Variants in ADARB2 observed in about 807,000 individuals in gnomAD.
ADARB2 encodes adenosine deaminase RNA specific B2 (inactive), also known as inactive double-stranded RNA-specific editase B2.
ADARB2 carries 25 observed loss-of-function variants against 62.2 expected under a neutral mutation model. That is an observed-to-expected ratio of 0.40 (90% CI 0.29 to 0.56). The LOEUF is 0.56. Among genes scored for constraint, ADARB2 ranks in the 20% least tolerant of loss-of-function variants. The probability of loss-of-function intolerance (pLI) is 0.43; values close to 1 mark genes in which losing one functional copy is unlikely to be tolerated. For synonymous variants in ADARB2, 572 were observed against 500.8 expected (o/e 1.14, Z -1.90); for missense variants, 1,071 against 1,077.4 (o/e 0.99, Z 0.08).
At position 1,355,019 on chromosome 10, in the gene ADARB2, CCT is replaced by C. The variant is rs557585091; in HGVS notation, c.1077+8007_1077+8008del. On this transcript the variant is annotated intron_variant, in intron 3 of 9. Coordinates refer to ENST00000381312, the MANE Select transcript of ADARB2 (RefSeq NM_018702.4). ...CCCGATCCTCTCCAGCTTGCACCTC[CCT>C]GAGGGCTCCCACGAGGCTCCCATGT... 2.1e-4 allele frequency among the ~76,000 whole-genome samples: 32 copies of C among 152,316 alleles called. No individual in the cohort carries two copies. In the South Asian group the frequency reaches 4.8e-3, roughly 23 times the overall value.
rs1209287873 is a variant in ADARB2, at chr10:1,178,515, A to G, written c.*4678T>C. The G allele has an allele frequency of 3.9e-5, 6 of 152,178 alleles. No homozygotes were observed. Among genetic ancestry groups the G allele is most frequent in the African/African-American group, 1.4e-4 (6 of 41,406 alleles). 9.4% of individuals were successfully genotyped at this position (152,178 alleles called of 1,614,324 possible). A position where few individuals can be genotyped will look rare whatever the true frequency, so the allele number is the denominator to read the frequency against. On this transcript the variant is annotated 3_prime_UTR_variant, in exon 10 of 10. Coordinates refer to ENST00000381312, the MANE Select transcript of ADARB2 (RefSeq NM_018702.4). ...CACCAGCAGCCCAGTGTTTCCAGAA[A>G]CAGCCCTGCTCCTGCAGTGGCGAGG...
intron 1 of ADARB2, among the ~76,000 whole-genome samples, chr10:1,573,807 G>A (rs11250635): frequency 0.3 from 45,049 of 151,996 alleles, 6,860 homozygotes; most frequent in South Asian, 0.34. Flanking sequence ...CAAGCTCAAC[G>A]GGGTCTTGTG....
chr10:1,363,962 C>G, intron 2 of ADARB2, 45 bp from the exon 3 acceptor site: 2 of 1,417,572 alleles, frequency 1.4e-6, no homozygotes, highest in Non-Finnish European at 1.8e-6. Flanking sequence ...CGGGCGCCGG[C>G]AGGTCGATGG....
intron 1 of ADARB2, among the ~76,000 whole-genome samples, chr10:1,717,436 G>A (rs1018355874): frequency 1.3e-5 from 2 of 151,836 alleles, no homozygotes; most frequent in African/African-American, 2.4e-5. Context: ...GACCCTGCGC[G>A]AGAAGGGACT....
intron 1 of ADARB2, among the ~76,000 whole-genome samples, chr10:1,607,658 C>T (rs190283367): frequency 8.9e-4 from 136 of 152,260 alleles, no homozygotes; most frequent in African/African-American, 3.1e-3. Flanking sequence ...GATGCTGACA[C>T]GATGGGAACC....
chr10:1,420,735 C>A (rs1474458727), intron 1 of ADARB2, among the ~76,000 whole-genome samples: 1 of 152,098 alleles, frequency 6.6e-6, no homozygotes, highest in Non-Finnish European at 1.5e-5. Flanking sequence ...GCTCTGCACC[C>A]AGGGCACAGA....
At chr10:1,386,518 A>G (rs1236367443) in intron 1 of ADARB2, among the ~76,000 whole-genome samples, 1 of 152,012 alleles carries the variant, frequency 6.6e-6, no homozygotes, top group Non-Finnish European at 1.5e-5. Context: ...TGGAATGGCT[A>G]TGTTAACAAT....
chr10:1,360,114 G>A (rs1225810822), intron 3 of ADARB2, among the ~76,000 whole-genome samples: 4 of 152,240 alleles, frequency 2.6e-5, no homozygotes, highest in African/African-American at 7.2e-5. Flanking sequence ...AGCCAGCCCT[G>A]CGTGGGGTGA....
intron 6 of ADARB2, among the ~76,000 whole-genome samples, chr10:1,221,561 TC>T (rs71495931): frequency 6.6e-6 from 1 of 150,432 alleles, no homozygotes; most frequent in Admixed American, 6.6e-5. Flanking sequence ...ATGCTATCCC[TC>T]CCCCCTCACC....
chr10:1,630,246 T>A (rs575132585), intron 1 of ADARB2, among the ~76,000 whole-genome samples: 1 of 152,304 alleles, frequency 6.6e-6, no homozygotes, highest in Admixed American at 6.5e-5. Flanking sequence ...GACTAGAGCT[T>A]GGCCCTCCCG....
At chr10:1,633,895 C>T (rs138881480) in intron 1 of ADARB2, among the ~76,000 whole-genome samples, 7 of 152,256 alleles carry the variant, frequency 4.6e-5, no homozygotes, top group African/African-American at 7.2e-5. Flanking sequence ...GTGTCCTGTG[C>T]CAGCACCATG....
intron 1 of ADARB2, among the ~76,000 whole-genome samples, chr10:1,567,199 C>A (rs1001119427): frequency 2.6e-5 from 4 of 152,102 alleles, no homozygotes; most frequent in African/African-American, 9.7e-5. Context: ...GAGAAGCAGA[C>A]CTGCTCACAC....
chr10:1,704,982 A>G lies in ADARB2; in HGVS notation c.100+32069T>C, dbSNP rs1448214791. The stretch of plus-strand genomic sequence containing the variant: ...GCAATAACCCCATGAGCACAGACCC[A>G]CAGGCAAAGCCCTGGGAGAAGTCCT... On this transcript the variant is annotated intron_variant, in intron 1 of 9. Coordinates refer to ENST00000381312, the MANE Select transcript of ADARB2 (RefSeq NM_018702.4). This position sits in a 1 kb window ranked among gnomAD's most constrained non-coding sequence, Gnocchi z 5.6. Among the ~76,000 whole-genome samples, 1 of 152,248 alleles carries G rather than the reference A, an allele frequency of 6.6e-6. No homozygotes were observed. Among genetic ancestry groups the G allele is most frequent in the African/African-American group, 2.4e-5 (1 of 41,470 alleles).
In ADARB2 at chr10:1,676,274, C is replaced by T. The variant is rs141583693; in HGVS notation, c.100+60777G>A. On this transcript the variant is annotated intron_variant, in intron 1 of 9. Coordinates refer to ENST00000381312, the MANE Select transcript of ADARB2 (RefSeq NM_018702.4). ...ATCTGTCCAAAACTTTCTGTGAGTG[C>T]AGCTCACAGACCCAAGGGCCTCTAG... 3.8e-3 allele frequency among the ~76,000 whole-genome samples: 571 copies of T among 152,220 alleles called. 8 individuals carry two copies. Among genetic ancestry groups the T allele is most frequent in the African/African-American group, 0.013 (543 of 41,556 alleles).
intron 1 of ADARB2, among the ~76,000 whole-genome samples, chr10:1,600,706 A>T (rs1434992414): frequency 6.7e-6 from 1 of 148,774 alleles, no homozygotes; most frequent in East Asian, 2.0e-4. Context: ...ACCAGAAAGG[A>T]CACTAATTTA....
chr10:1,527,213 A>C (rs1419312614), intron 1 of ADARB2, among the ~76,000 whole-genome samples: 1 of 152,208 alleles, frequency 6.6e-6, no homozygotes, highest in Non-Finnish European at 1.5e-5. Flanking sequence ...TCTCACTTCC[A>C]ATTCCTTGTG....
At chr10:1,718,248 T>C (rs542859515) in intron 1 of ADARB2, among the ~76,000 whole-genome samples, 28 of 152,312 alleles carry the variant, frequency 1.8e-4, no homozygotes, top group African/African-American at 6.5e-4. Context: ...TATTTGGTCG[T>C]ACTTTTTTGA....
intron 1 of ADARB2, among the ~76,000 whole-genome samples, chr10:1,596,866 C>G (rs540237212): frequency 6.6e-6 from 1 of 152,260 alleles, no homozygotes; most frequent in South Asian, 2.1e-4. Flanking sequence ...TACTGGCACC[C>G]GGAGGGTTTA....
intron 1 of ADARB2, among the ~76,000 whole-genome samples, chr10:1,583,933 C>T (rs555740084): frequency 2.6e-5 from 4 of 152,164 alleles, no homozygotes; most frequent in East Asian, 3.9e-4. Context: ...ATTAGACATC[C>T]GCAAGCCAAA....
Sources: gnomAD v4.1 joint callset for allele counts (sites outside exome capture counted in the v4.1 genomes callset) on GRCh38, gnomAD v4.1.1 for gene constraint, Gnocchi (gnomAD v3.1) non-coding constraint, MANE v1.5 for transcripts, NCBI Gene and HGNC (gene_info 2026-07-23, HGNC 2026-07-21) for gene names.